The following UGT1A9 variants were observed in gnomAD, a reference collection of about 807,000 sequenced individuals.
UGT1A9 encodes UDP glucuronosyltransferase family 1 member A9, also known as UDP-glucuronosyltransferase 1A9.
UGT1A9 carries 35 observed loss-of-function variants against 45.0 expected under a neutral mutation model. That is an observed-to-expected ratio of 0.78 (90% CI 0.59 to 1.03). The LOEUF is 1.03. Among genes scored for constraint, UGT1A9 ranks in the 50% least tolerant of loss-of-function variants. The pLI, the probability that UGT1A9 is intolerant of heterozygous loss-of-function variation, is 0.00. For missense variants in UGT1A9, 687 were observed against 666.6 expected, an observed-to-expected ratio of 1.03 and a Z score of -0.34; for synonymous variants, 278 against 250.6, an observed-to-expected ratio of 1.11 and a Z score of -1.03.
chr2:233,748,089 C>T (rs17863798), intron 1 of UGT1A9: 111,177 of 1,612,822 alleles, frequency 0.069, 5,243 homozygotes, highest in South Asian at 0.18. Context: ...GGTCGGTGTT[C>T]GTGCCTTCAT....
In UGT1A9 at chr2:233,772,828, C is replaced by A; in HGVS notation, c.*269C>A. ...TTCAGAGGACGTGCAGACAGGCTGG[C>A]ATTCTAGATTACTTTTCTTACTCTG... is the stretch of plus-strand genomic sequence containing the variant. On this transcript the variant is annotated 3_prime_UTR_variant, in exon 5 of 5. Transcript: ENST00000354728. 1.1e-6 allele frequency: 1 copy of A among 921,124 alleles called. No individual in the cohort carries two copies. The highest frequency in any genetic ancestry group is 1.5e-6 in the Non-Finnish European group (1 of 663,786). The allele number at this position is 921,124 out of a possible 1,614,324, so 57.1% of individuals were successfully genotyped here. A position where few individuals can be genotyped will look rare whatever the true frequency, so the allele number is the denominator to read the frequency against.
At chr2:233,686,798 C>T (rs1158454360) in intron 1 of UGT1A9, among the ~76,000 whole-genome samples, 4 of 152,174 alleles carry the variant, frequency 2.6e-5, no homozygotes, top group Non-Finnish European at 1.5e-5. Context: ...TTCCACCTCC[C>T]CTGTTACTTT....
At chr2:233,755,393 A>C in intron 1 of UGT1A9, 1 of 341,520 alleles carries the variant, frequency 2.9e-6, no homozygotes, top group South Asian at 2.4e-5. Context: ...TGACGCAGCC[A>C]CATCTCATTG....
At chr2:233,702,895 A>G (rs2075712942) in intron 1 of UGT1A9, among the ~76,000 whole-genome samples, 1 of 152,172 alleles carries the variant, frequency 6.6e-6, no homozygotes. Flanking sequence ...TCATATCCAT[A>G]AGAGATATTG....
intron 1 of UGT1A9, among the ~76,000 whole-genome samples, chr2:233,674,762 C>T (rs1053532026): frequency 4.6e-5 from 7 of 152,106 alleles, no homozygotes; most frequent in Admixed American, 2.6e-4. Context: ...TATGACTATA[C>T]GTGTAAAGCC....
intron 1 of UGT1A9, among the ~76,000 whole-genome samples, chr2:233,711,484 C>T (rs1182676928): frequency 6.6e-6 from 1 of 152,094 alleles, no homozygotes; most frequent in Non-Finnish European, 1.5e-5. Context: ...GATGTTGCAC[C>T]CACAGCTGAG....
At chr2:233,724,137 G>C (rs1240134584) in intron 1 of UGT1A9, among the ~76,000 whole-genome samples, 1 of 114,506 alleles carries the variant, frequency 8.7e-6, no homozygotes, top group Non-Finnish European at 1.8e-5. Context: ...CCTCCCGGAC[G>C]GGGCGGCTGG....
At chr2:233,713,179 T>C (rs3755321) in intron 1 of UGT1A9, 158,294 of 1,614,156 alleles carry the variant, frequency 0.098, 8,780 homozygotes, top group South Asian at 0.2. Flanking sequence ...GTCCTCACCC[T>C]GGAGGTGAAT....
intron 1 of UGT1A9, among the ~76,000 whole-genome samples, chr2:233,726,972 A>C (rs1406069474): frequency 6.6e-6 from 1 of 152,130 alleles, no homozygotes; most frequent in Admixed American, 6.5e-5. Flanking sequence ...CAAAAGTTTT[A>C]GATTTTGATG....
chr2:233,690,371 T>G (rs760967096), intron 1 of UGT1A9: 16 of 873,752 alleles, frequency 1.8e-5, no homozygotes, highest in Non-Finnish European at 2.5e-5. Context: ...AACCTCTCCA[T>G]AGGGTCCACG....
intron 1 of UGT1A9, among the ~76,000 whole-genome samples, chr2:233,751,532 C>T (rs1375355946): frequency 6.6e-6 from 1 of 152,214 alleles, no homozygotes; most frequent in Non-Finnish European, 1.5e-5. Context: ...TATGGTTTGA[C>T]TCTGTGTTTC....
intron 1 of UGT1A9, chr2:233,755,945 TC>T (rs1469845586): frequency 6.6e-6 from 1 of 152,216 alleles, no homozygotes; most frequent in African/African-American, 2.4e-5. Context: ...TTTGCATCTC[TC>T]TCTTTAGTAC....
chr2:233,681,833 A>T (rs752488359), intron 1 of UGT1A9: 244 of 1,505,216 alleles, frequency 1.6e-4, no homozygotes, highest in Non-Finnish European at 2.1e-4. Flanking sequence ...ATGAATGAAT[A>T]AGTACACGCC....
At position 233,677,360 on chromosome 2, in the gene UGT1A9, G is replaced by A. The variant is rs149662759; in HGVS notation, c.855+4571G>A. On this transcript the variant is annotated intron_variant, in intron 1 of 4. Coordinates refer to ENST00000354728, the MANE Select transcript of UGT1A9 (RefSeq NM_021027.3). ...GACCCCTGAACAATGTGGGAATGAAGGGGACCAACCCGTGTGTAGTAGAAA... is the reference window on the plus strand; with the variant it reads ...GACCCCTGAACAATGTGGGAATGAAAGGGACCAACCCGTGTGTAGTAGAAA... Among the ~76,000 whole-genome samples the A allele has an allele frequency of 2.6e-5, 4 of 152,236 alleles. No homozygotes were observed. In the East Asian group the frequency reaches 7.7e-4, roughly 29 times the overall value.
chr2:233,766,578 G>C (rs1048038001), intron 1 of UGT1A9, among the ~76,000 whole-genome samples: 1 of 152,134 alleles, frequency 6.6e-6, no homozygotes, highest in Non-Finnish European at 1.5e-5. Flanking sequence ...ACAGGTCTGG[G>C]GGTGGAGCCC....
intron 1 of UGT1A9, among the ~76,000 whole-genome samples, chr2:233,700,747 GT>G (rs2075585152): frequency 6.6e-6 from 1 of 151,606 alleles, no homozygotes; most frequent in African/African-American, 2.4e-5. Flanking sequence ...TATACTTTAA[GT>G]TTTAGGGTAC....
At chr2:233,766,928 C>A in intron 1 of UGT1A9, 106 bp from the exon 2 acceptor site, 12 of 1,578,030 alleles carry the variant, frequency 7.6e-6, no homozygotes, top group Non-Finnish European at 9.4e-6. Context: ...ACACGCATGC[C>A]TTTAATCATA....
chr2:233,690,317 C>T (rs956358462), intron 1 of UGT1A9, among the ~76,000 whole-genome samples: 2 of 152,128 alleles, frequency 1.3e-5, no homozygotes, highest in Non-Finnish European at 2.9e-5. Context: ...ACTTATGGGT[C>T]GTAGGTCATA....
intron 1 of UGT1A9, among the ~76,000 whole-genome samples, chr2:233,736,104 T>C (rs1411990177): frequency 6.6e-6 from 1 of 152,222 alleles, no homozygotes; most frequent in Non-Finnish European, 1.5e-5. Context: ...CTGAAGAGTG[T>C]TTTCCAACTT....
Sources: allele counts gnomAD v4.1 joint callset (sites outside exome capture counted in the v4.1 genomes callset), GRCh38; gene constraint gnomAD v4.1.1; transcripts MANE v1.5; gene names NCBI Gene and HGNC (gene_info 2026-07-23, HGNC 2026-07-21).